MBNL2: variants seen among roughly 807,000 people sequenced by gnomAD.
MBNL2 encodes the protein muscleblind-like protein 2.
Under a neutral mutation model 41.9 loss-of-function variants are expected in MBNL2, and 17 were observed. That is an observed-to-expected ratio of 0.41 (90% CI 0.28 to 0.61). The LOEUF is 0.61. Ranked by LOEUF, MBNL2 falls within the 20% of genes least tolerant of loss-of-function variation. MBNL2 has a pLI of 0.35. For missense variants in MBNL2, 336 were observed against 505.6 expected (o/e 0.66, Z 3.22); for synonymous variants, 195 against 182.9 (o/e 1.07, Z -0.53).
chr13:97,156,527 A>G, the MBNL2 span, among the ~76,000 whole-genome samples: 1 of 135,380 alleles, frequency 7.4e-6, no homozygotes, highest in African/African-American at 2.9e-5. Flanking sequence ...TTATGGTTTT[A>G]GGTCTAACGT....
chr13:97,299,829 G>C (rs117456652), intron 2 of MBNL2, among the ~76,000 whole-genome samples: 8 of 152,076 alleles, frequency 5.3e-5, no homozygotes, highest in African/African-American at 1.9e-4. Context: ...ATATTCCATA[G>C]GTACATATGT....
At chr13:97,283,185 G>C (rs1228504672) in intron 2 of MBNL2, among the ~76,000 whole-genome samples, 2 of 152,126 alleles carry the variant, frequency 1.3e-5, no homozygotes, top group African/African-American at 4.8e-5. Context: ...CTCCCTCAGT[G>C]TGGATGCTCT....
At chr13:97,287,359 T>A (rs2054677533) in intron 2 of MBNL2, among the ~76,000 whole-genome samples, 1 of 152,222 alleles carries the variant, frequency 6.6e-6, no homozygotes, top group South Asian at 2.1e-4. Flanking sequence ...AATACGTTTT[T>A]CTCATTAAAG....
chr13:97,211,591 A>T, the MBNL2 span, among the ~76,000 whole-genome samples: 1 of 152,214 alleles, frequency 6.6e-6, no homozygotes, highest in Non-Finnish European at 1.5e-5. Context: ...GAATGCAGTG[A>T]CATGAGACCA....
At position 97,264,720 on chromosome 13, in the gene MBNL2, A is replaced by G. The variant is rs939799122; in HGVS notation, c.-604-10912A>G. On this transcript the variant is annotated intron_variant, in intron 1 of 8. Transcript: ENST00000679496. ...GTTATTAGTATTTATAGGTAGGTGT[A>G]CAGGCCAATGAAATGGCCATTAGGC... 7.9e-5 allele frequency among the ~76,000 whole-genome samples: 12 copies of G among 152,386 alleles called. 1 individual carries two copies. In the South Asian group the frequency reaches 2.5e-3, roughly 32 times the overall value.
the MBNL2 span, among the ~76,000 whole-genome samples, chr13:97,191,230 C>G: frequency 6.6e-6 from 1 of 151,532 alleles, no homozygotes; most frequent in Non-Finnish European, 1.5e-5. Context: ...AACCAGACTG[C>G]GCCCTGGGAA....
rs555244573 is a variant in MBNL2, at chr13:97,309,539, A to G, written c.175-24737A>G. On this transcript the variant is annotated intron_variant, in intron 2 of 8. Coordinates refer to ENST00000679496, the MANE Select transcript of MBNL2 (RefSeq NM_001382683.1). ...GGGTGCTGGGACGGATCTTTTCCTC[A>G]GGGCCCTCAGAAGGAACCAACCCAG... is the stretch of plus-strand genomic sequence containing the variant. Among the ~76,000 whole-genome samples, 290 of 152,314 alleles carry G rather than the reference A, an allele frequency of 1.9e-3. 1 individual carries two copies. The highest frequency in any genetic ancestry group is 6.6e-3 in the African/African-American group (273 of 41,566).
the MBNL2 span, among the ~76,000 whole-genome samples, chr13:97,170,731 C>G: frequency 6.6e-6 from 1 of 152,166 alleles, no homozygotes; most frequent in Non-Finnish European, 1.5e-5. Flanking sequence ...AGGCCAATCT[C>G]AGGTTCTACA....
In MBNL2 at chr13:97,391,407, T is replaced by C. The variant is rs770408146; in HGVS notation, c.1134T>C (p.Tyr378=). ...CTAAACATTGTTACTGTACATACTA[T>C]CCTGTTTCCTCCTCAATAGAATTGC... ...RITKHCYCTY[Y]PVSSSIELPQ... The change falls in exon 9 of 9, where the codon TAT becomes TAC. Residue 378 remains tyrosine (Y), a synonymous_variant. Coordinates refer to ENST00000679496, the MANE Select transcript of MBNL2 (RefSeq NM_001382683.1). 3 of 1,545,618 alleles carry C rather than the reference T, an allele frequency of 1.9e-6. No homozygotes were observed. Among genetic ancestry groups the C allele is most frequent in the Non-Finnish European group, 1.8e-6 (2 of 1,117,774 alleles).
the MBNL2 span, among the ~76,000 whole-genome samples, chr13:97,191,450 C>A: frequency 6.6e-6 from 1 of 151,672 alleles, no homozygotes; most frequent in South Asian, 2.1e-4. Flanking sequence ...CATCTGCCAG[C>A]TTGAATTTTC....
intron 1 of MBNL2, among the ~76,000 whole-genome samples, chr13:97,245,088 C>T (rs1269316996): frequency 2.6e-5 from 4 of 152,154 alleles, no homozygotes; most frequent in Non-Finnish European, 5.9e-5. Context: ...AGTTTGGTCT[C>T]AGAAGTAGGG....
intron 8 of MBNL2, among the ~76,000 whole-genome samples, chr13:97,369,835 GT>G (rs2064195856): frequency 6.6e-6 from 1 of 152,068 alleles, no homozygotes; most frequent in Non-Finnish European, 1.5e-5. Flanking sequence ...AATATAAAAT[GT>G]TTTTTGATTA....
Position 97,366,735 on chromosome 13 carries a change from C to A in MBNL2, c.1048+1564C>A. 1 of 667,130 alleles carries A rather than the reference C, an allele frequency of 1.5e-6. No homozygotes were observed. The highest frequency in any genetic ancestry group is 2.7e-6 in the Non-Finnish European group (1 of 371,686). The allele number at this position is 667,130 out of a possible 1,614,324, so 41.3% of individuals were successfully genotyped here. On this transcript the variant is annotated intron_variant, in intron 8 of 8. Transcript: ENST00000679496. The surrounding 1 kb of genome is among the most constrained non-coding windows in gnomAD (Gnocchi z 4.7). ...ACTTATTTAGAGTTAACATTTACTG[C>A]AAATAATGATGTAGCTATGTTTTGT...
chr13:97,386,165 C>A (rs2065908171), intron 8 of MBNL2, among the ~76,000 whole-genome samples: 1 of 152,234 alleles, frequency 6.6e-6, no homozygotes, highest in African/African-American at 2.4e-5. Context: ...CTCCTGTAAA[C>A]CTGCTCTCCT....
the MBNL2 span, among the ~76,000 whole-genome samples, chr13:97,151,619 C>A: frequency 1.3e-5 from 2 of 152,160 alleles, no homozygotes; most frequent in African/African-American, 4.8e-5. Flanking sequence ...GGAAGAGATG[C>A]ACACAATCAG....
chr13:97,177,534 G>A, the MBNL2 span, among the ~76,000 whole-genome samples: 11 of 151,958 alleles, frequency 7.2e-5, no homozygotes, highest in African/African-American at 2.7e-4. Context: ...AAAAAGAAAA[G>A]GCAAATGGAA....
intron 1 of MBNL2, among the ~76,000 whole-genome samples, chr13:97,250,195 T>A (rs1444046028): frequency 6.6e-6 from 1 of 152,252 alleles, no homozygotes; most frequent in African/African-American, 2.4e-5. Context: ...AATAGTTCTC[T>A]GAGCAGTTTA....
chr13:97,234,665 A>G (rs2042957374), intron 1 of MBNL2, among the ~76,000 whole-genome samples: 1 of 152,200 alleles, frequency 6.6e-6, no homozygotes, highest in Admixed American at 6.5e-5. Context: ...AATTACCCAC[A>G]AGGACAATAG....
intron 2 of MBNL2, among the ~76,000 whole-genome samples, chr13:97,318,941 G>A (rs974803844): frequency 6.6e-6 from 1 of 152,190 alleles, no homozygotes; most frequent in Admixed American, 6.5e-5. Context: ...GGAGAAACAT[G>A]CAGCAGCAGG....
Sources: allele counts gnomAD v4.1 joint callset (sites outside exome capture counted in the v4.1 genomes callset), GRCh38; gene constraint gnomAD v4.1.1; non-coding constraint Gnocchi (gnomAD v3.1); transcripts MANE v1.5; gene names NCBI Gene and HGNC (gene_info 2026-07-23, HGNC 2026-07-21).